Variants in PPHLN1 observed in about 807,000 individuals in gnomAD.
PPHLN1 encodes periphilin-1.
Under a neutral mutation model 51.3 loss-of-function variants are expected in PPHLN1, and 29 were observed. The ratio of observed to expected loss-of-function variants is 0.57; its 90% CI spans 0.42 to 0.77. The LOEUF is 0.77. PPHLN1 is among the 30% of genes least tolerant of loss of function. The pLI is 0.00. For missense variants in PPHLN1, 436 were observed against 438.4 expected (o/e 0.99, Z 0.05); for synonymous variants, 147 against 147.8 (o/e 0.99, Z 0.04).
intron 1 of PPHLN1, among the ~76,000 whole-genome samples, chr12:42,334,984 C>T (rs1218003060): frequency 6.6e-6 from 1 of 152,282 alleles, no homozygotes; most frequent in South Asian, 2.1e-4. Context: ...TTTGTCTGAT[C>T]TTTTGAAGAA....
At chr12:42,347,283 C>G (rs1199122638) in intron 2 of PPHLN1, 1 of 152,110 alleles carries the variant, frequency 6.6e-6, no homozygotes, top group African/African-American at 2.4e-5. Flanking sequence ...TTTAAATTGA[C>G]TTTTTGCCAA....
downstream of PPHLN1, chr12:42,442,803 A>G (rs553703313): frequency 2.1e-5 from 34 of 1,609,152 alleles, no homozygotes; most frequent in Non-Finnish European, 2.8e-5. Flanking sequence ...CTAGGGTTTC[A>G]TCATGGGACA....
At chr12:42,430,292 C>G (rs534356503) in intron 9 of PPHLN1, among the ~76,000 whole-genome samples, 1 of 152,116 alleles carries the variant, frequency 6.6e-6, no homozygotes, top group African/African-American at 2.4e-5. Context: ...CACACACACA[C>G]ACACCCTTAC....
At chr12:42,342,882 ATATT>A (rs1168750965) in intron 2 of PPHLN1, among the ~76,000 whole-genome samples, 1 of 152,260 alleles carries the variant, frequency 6.6e-6, no homozygotes, top group Non-Finnish European at 1.5e-5. Context: ...TTAAATAACA[ATATT>A]TACTTCCTTA....
At position 42,356,308 on chromosome 12, in the gene PPHLN1, T is replaced by C. The variant is rs115779623; in HGVS notation, c.299+1086T>C. Reference sequence around the variant, plus strand: ...AGGAGGATCAGCATTGTAGTGTAGGTTCCCTGTCCCCAAATCCCACAGGGC... The same window carrying C: ...AGGAGGATCAGCATTGTAGTGTAGGCTCCCTGTCCCCAAATCCCACAGGGC... On this transcript the variant is annotated intron_variant, in intron 4 of 9. Transcript: ENST00000358314. Among the ~76,000 whole-genome samples the C allele has an allele frequency of 3.6e-3, 551 of 152,290 alleles. 5 individuals carry two copies. The highest frequency in any genetic ancestry group is 0.013 in the African/African-American group (534 of 41,570).
chr12:42,428,630 G>C (rs976843922), intron 9 of PPHLN1, among the ~76,000 whole-genome samples: 1 of 151,992 alleles, frequency 6.6e-6, no homozygotes, highest in African/African-American at 2.4e-5. Flanking sequence ...AGAGTGGGAG[G>C]GGGGTGAGGG....
At chr12:42,377,796 AT>A (rs34827602) in intron 5 of PPHLN1, among the ~76,000 whole-genome samples, 146,733 of 152,190 alleles carry the variant, frequency 0.96, 70,985 homozygotes, top group Middle Eastern at 1. Flanking sequence ...AATTAGTCTT[AT>A]TTTTTATCCT....
intron 4 of PPHLN1, among the ~76,000 whole-genome samples, chr12:42,363,384 A>G (rs978210790): frequency 6.6e-6 from 1 of 151,112 alleles, no homozygotes; most frequent in East Asian, 2.1e-4. Flanking sequence ...TTACAGGGCC[A>G]CCTTGCATTC....
At position 42,331,479 on chromosome 12, in the gene PPHLN1, T is replaced by C. The variant is rs2069724273; in HGVS notation, c.-20-4404T>C. Among the ~76,000 whole-genome samples, 3 of 152,346 alleles carry C rather than the reference T, an allele frequency of 2.0e-5. No individual in the cohort carries two copies. In the South Asian group the frequency reaches 6.2e-4, roughly 32 times the overall value. On this transcript the variant is annotated intron_variant, in intron 1 of 9. Coordinates refer to ENST00000358314, the MANE Select transcript of PPHLN1 (RefSeq NM_201439.2). ...TTTTGCTTAGAGTGCAAGTCCTCCATAATCTCTCAGCCCTCAGTTGAAGTT... is the reference window on the plus strand; with the variant it reads ...TTTTGCTTAGAGTGCAAGTCCTCCACAATCTCTCAGCCCTCAGTTGAAGTT...
chr12:42,441,228 A>T lies in PPHLN1; in HGVS notation c.910-87A>T, dbSNP rs1326737231. On this transcript the variant is annotated intron_variant, in intron 9 of 9. Transcript: ENST00000358314. ...TTTTTGTGTCTCTCTTTTAGATGTC[A>T]GCATCATAATTCTGCCAACTCAGTT... The T allele has an allele frequency of 7.6e-6, 11 of 1,448,058 alleles. No individual in the cohort carries two copies. The Admixed American group carries it at 2.5e-4, about 33-fold the overall frequency. The allele number at this position is 1,448,058 out of a possible 1,614,324, so 89.7% of individuals were successfully genotyped here. A position where few individuals can be genotyped will look rare whatever the true frequency, so the allele number is the denominator to read the frequency against.
intron 5 of PPHLN1, among the ~76,000 whole-genome samples, chr12:42,377,596 GCT>G (rs1467978738): frequency 1.3e-5 from 2 of 152,182 alleles, no homozygotes; most frequent in South Asian, 4.2e-4. Flanking sequence ...GAGCCACTGT[GCT>G]CTGCCCTTAC....
chr12:42,386,179 G>A (rs2077176681), intron 6 of PPHLN1, among the ~76,000 whole-genome samples: 1 of 152,224 alleles, frequency 6.6e-6, no homozygotes, highest in South Asian at 2.1e-4. Flanking sequence ...ATTCTTTGTT[G>A]TTGGGGTGTC....
At chr12:42,443,028 C>A (rs911550185), downstream of PPHLN1, 5 of 321,830 alleles carry the variant, frequency 1.6e-5, no homozygotes, top group South Asian at 8.7e-5. Flanking sequence ...GCAATGGGTC[C>A]CAGTAAAATC....
intron 4 of PPHLN1, among the ~76,000 whole-genome samples, chr12:42,360,863 A>G (rs1395847302): frequency 1.3e-5 from 2 of 151,888 alleles, no homozygotes; most frequent in African/African-American, 4.8e-5. Flanking sequence ...GACTTTTATC[A>G]CTTGTTTAAG....
chr12:42,401,062 C>T (rs986735998), intron 9 of PPHLN1, among the ~76,000 whole-genome samples: 1 of 152,112 alleles, frequency 6.6e-6, no homozygotes, highest in African/African-American at 2.4e-5. Flanking sequence ...GTGGATGTCA[C>T]ATGCCAGGTT....
chr12:42,357,828 CCACTTGA>C (rs1185575922), intron 4 of PPHLN1, among the ~76,000 whole-genome samples: 5 of 152,064 alleles, frequency 3.3e-5, no homozygotes, highest in Admixed American at 1.3e-4. Context: ...AGTGTATCCA[CCACTTGA>C]ATAATGTATA....
chr12:42,375,678 T>TTTTTA (rs903067064), intron 5 of PPHLN1, among the ~76,000 whole-genome samples: 1 of 152,112 alleles, frequency 6.6e-6, no homozygotes, highest in Non-Finnish European at 1.5e-5. Context: ...TTTATTTTTA[T>TTTTTA]TTTTATTTTA....
At chr12:42,339,362 T>G (rs899184742) in intron 2 of PPHLN1, among the ~76,000 whole-genome samples, 2 of 152,184 alleles carry the variant, frequency 1.3e-5, no homozygotes, top group African/African-American at 4.8e-5. Context: ...TTCCCAAGAC[T>G]CAGGTGCATT....
chr12:42,415,440 C>T (rs996563970), intron 9 of PPHLN1, among the ~76,000 whole-genome samples: 2 of 152,096 alleles, frequency 1.3e-5, no homozygotes, highest in Non-Finnish European at 2.9e-5. Context: ...CAAAGTGCTG[C>T]GATTACAGGC....
Sources: allele counts gnomAD v4.1 joint callset (sites outside exome capture counted in the v4.1 genomes callset), GRCh38; gene constraint gnomAD v4.1.1; transcripts MANE v1.5; gene names NCBI Gene and HGNC (gene_info 2026-07-23, HGNC 2026-07-21).